Variants in CBLB observed in about 807,000 individuals in gnomAD.
CBLB encodes Cbl proto-oncogene B, also known as E3 ubiquitin-protein ligase CBL-B.
A neutral mutation model predicts 104.9 loss-of-function variants in CBLB; 31 were observed. The ratio of observed to expected loss-of-function variants is 0.30; its 90% CI spans 0.22 to 0.40. The LOEUF is 0.40. Ranked by LOEUF, CBLB falls within the 10% of genes least tolerant of loss-of-function variation. CBLB has a pLI of 1.00. For synonymous variants in CBLB, 440 were observed against 422.6 expected (o/e 1.04, Z -0.51); for missense variants, 1,062 against 1,214.6 (o/e 0.87, Z 1.87).
intron 3 of CBLB, among the ~76,000 whole-genome samples, chr3:105,820,285 T>C (rs1342458088): frequency 1.3e-5 from 2 of 152,170 alleles, no homozygotes; most frequent in Non-Finnish European, 2.9e-5. Flanking sequence ...TCAATACAGA[T>C]GAAGCTGCCT....
At chr3:105,741,771 G>A (rs1242516931) in intron 6 of CBLB, among the ~76,000 whole-genome samples, 3 of 151,910 alleles carry the variant, frequency 2.0e-5, no homozygotes, top group Non-Finnish European at 4.4e-5. Context: ...CACCCGCCTC[G>A]GCATCCCAAA....
intron 6 of CBLB, among the ~76,000 whole-genome samples, chr3:105,742,491 C>T (rs1478070084): frequency 1.3e-5 from 2 of 150,688 alleles, no homozygotes; most frequent in Non-Finnish European, 3.0e-5. Context: ...AACATATATC[C>T]CTAGAGAAAC....
intron 3 of CBLB, among the ~76,000 whole-genome samples, chr3:105,806,996 C>T (rs1383907011): frequency 6.6e-6 from 1 of 152,140 alleles, no homozygotes; most frequent in South Asian, 2.1e-4. Context: ...GGGACACGAA[C>T]AAGCTCTTTT....
chr3:105,661,652 G>A (rs1184901006), intron 18 of CBLB, among the ~76,000 whole-genome samples: 2 of 152,108 alleles, frequency 1.3e-5, no homozygotes, highest in Non-Finnish European at 2.9e-5. Context: ...AAGAACAGCT[G>A]TGTATACAAG....
chr3:105,776,312 A>T (rs1477054619), intron 4 of CBLB, 84 bp downstream of exon 4: 2 of 1,227,370 alleles, frequency 1.6e-6, no homozygotes, highest in Non-Finnish European at 1.2e-6. Flanking sequence ...CACTCAAGTA[A>T]AATATATACC....
chr3:105,866,783 AC>A (rs1384647676), intron 2 of CBLB, among the ~76,000 whole-genome samples: 2 of 152,140 alleles, frequency 1.3e-5, no homozygotes, highest in Non-Finnish European at 2.9e-5. Context: ...TCTCAGCCTC[AC>A]CACCCCCAAC....
intron 4 of CBLB, among the ~76,000 whole-genome samples, chr3:105,755,016 C>CTT (rs67405809): frequency 7.6e-5 from 11 of 143,888 alleles, no homozygotes; most frequent in Admixed American, 1.4e-4. Context: ...AGTATCTTTT[C>CTT]TTTTTTTTTT....
chr3:105,757,314 A>G (rs1467939829), intron 4 of CBLB, among the ~76,000 whole-genome samples: 1 of 152,238 alleles, frequency 6.6e-6, no homozygotes, highest in African/African-American at 2.4e-5. Context: ...ACATGCAAGT[A>G]AAGAGTTGAA....
intron 12 of CBLB, among the ~76,000 whole-genome samples, chr3:105,696,011 C>G (rs1023836833): frequency 1.3e-5 from 2 of 151,402 alleles, no homozygotes; most frequent in African/African-American, 4.8e-5. Context: ...CTGAAATACT[C>G]TCAGCAAATA....
chr3:105,659,144 A>C lies in CBLB; in HGVS notation c.2775T>G (p.Pro925=), dbSNP rs2063537031. 4 of 1,613,982 alleles carry C rather than the reference A, an allele frequency of 2.5e-6. No homozygotes were observed. The highest frequency in any genetic ancestry group is 1.7e-5 in the Admixed American group (1 of 59,994). ...CATCGACATTTTCCAATGCCGCCTC[A>C]GGCCCATGGGGTTTTCTGTGGTGAA... The part of the protein sequence containing the change: ...PEIHHRKPHG[P]EAALENVDAK... The change falls in exon 19 of 19, where the codon CCT becomes CCG. Residue 925 remains proline (P), a synonymous_variant. Coordinates refer to ENST00000394030, the MANE Select transcript of CBLB (RefSeq NM_170662.5).
rs143528907 is a variant in CBLB at position 105,668,865 on chromosome 3, A to T, written c.2689+1368T>A. Among the ~76,000 whole-genome samples the T allele has an allele frequency of 2.3e-3, 344 of 152,342 alleles. 2 individuals carry two copies. The highest frequency in any genetic ancestry group is 8.0e-3 in the African/African-American group (333 of 41,586). On this transcript the variant is annotated intron_variant, in intron 18 of 18. Transcript: ENST00000394030. ...ATTATCTTGATTCAGAAGTTTCAGA[A>T]TGTATTGCTAATAGTATTAGCAAGT...
intron 4 of CBLB, among the ~76,000 whole-genome samples, chr3:105,764,856 G>A (rs1244316794): frequency 6.6e-6 from 1 of 152,214 alleles, no homozygotes; most frequent in Non-Finnish European, 1.5e-5. Flanking sequence ...TGGTGATATG[G>A]AGAAAGTTTT....
intron 18 of CBLB, 88 bp from the exon 19 acceptor site, chr3:105,659,317 T>A: frequency 3.1e-6 from 4 of 1,280,206 alleles, no homozygotes; most frequent in Non-Finnish European, 4.5e-6. Flanking sequence ...TCATTTCCTA[T>A]GGAAATATTA....
chr3:105,704,491 C>T (rs982011348), intron 10 of CBLB, among the ~76,000 whole-genome samples: 154 of 152,034 alleles, frequency 1.0e-3, no homozygotes, highest in Non-Finnish European at 1.6e-3. Context: ...ATGAGGAATC[C>T]AGAAACACAT....
chr3:105,815,704 C>T (rs920231564), intron 3 of CBLB, among the ~76,000 whole-genome samples: 17 of 152,144 alleles, frequency 1.1e-4, no homozygotes, highest in African/African-American at 3.9e-4. Context: ...TGGGTATATA[C>T]CCAAAGGATT....
chr3:105,803,169 G>A (rs1403350345), intron 3 of CBLB, among the ~76,000 whole-genome samples: 1 of 152,200 alleles, frequency 6.6e-6, no homozygotes, highest in Non-Finnish European at 1.5e-5. Context: ...TGCTGGTTGT[G>A]ATTATTGTAA....
chr3:105,726,885 T>A (rs535220508), intron 9 of CBLB, among the ~76,000 whole-genome samples: 1 of 152,318 alleles, frequency 6.6e-6, no homozygotes, highest in Admixed American at 6.5e-5. Context: ...CATGAACTCA[T>A]CCTTTTTTAT....
At position 105,737,350 on chromosome 3, in the gene CBLB, C is replaced by T. The variant is rs1468363523; in HGVS notation, c.984-92G>A. The T allele has an allele frequency of 5.1e-6, 3 of 588,144 alleles. No individual in the cohort carries two copies. The African/African-American group carries it at 5.6e-5, about 11-fold the overall frequency. The allele number at this position is 588,144 out of a possible 1,614,324, so 36.4% of individuals were successfully genotyped here. Reference sequence around the variant, plus strand: ...TCAAATTTTTCTATATTCAAACATACATTTGGATGTTTCCTTTTCATGTAA... The same window carrying T: ...TCAAATTTTTCTATATTCAAACATATATTTGGATGTTTCCTTTTCATGTAA... On this transcript the variant is annotated intron_variant, in intron 7 of 18. Coordinates refer to ENST00000394030, the MANE Select transcript of CBLB (RefSeq NM_170662.5).
At chr3:105,840,558 G>T (rs1033210783) in intron 3 of CBLB, among the ~76,000 whole-genome samples, 5 of 152,144 alleles carry the variant, frequency 3.3e-5, no homozygotes, top group African/African-American at 7.2e-5. Context: ...CCCTTCATAT[G>T]CCAACAGCTG....
Sources: allele counts gnomAD v4.1 joint callset (sites outside exome capture counted in the v4.1 genomes callset), GRCh38; gene constraint gnomAD v4.1.1; transcripts MANE v1.5; gene names NCBI Gene and HGNC (gene_info 2026-07-23, HGNC 2026-07-21).